BLMH: variants seen among roughly 807,000 people sequenced by gnomAD.
BLMH encodes the protein bleomycin hydrolase, also known as BLM hydrolase.
Under a neutral mutation model 61.6 loss-of-function variants are expected in BLMH, and 32 were observed. That is an observed-to-expected ratio of 0.52 (90% CI 0.39 to 0.70). The LOEUF is 0.70. Ranked by LOEUF, BLMH falls within the 30% of genes least tolerant of loss-of-function variation. The probability of loss-of-function intolerance (pLI) is 0.00; values close to 1 mark genes in which losing one functional copy is unlikely to be tolerated. For missense variants in BLMH, 460 were observed against 555.5 expected (o/e 0.83, Z 1.73); for synonymous variants, 183 against 193.8 (o/e 0.94, Z 0.46).
intron 1 of BLMH, 59 bp from the exon 2 acceptor site, chr17:30,291,567 G>A (rs903771437): frequency 2.5e-6 from 4 of 1,585,546 alleles, no homozygotes; most frequent in Non-Finnish European, 3.5e-6. Flanking sequence ...CTGATCTGGG[G>A]CTCCCGCGTC....
At chr17:30,256,674 T>C (rs753125942) in intron 11 of BLMH, among the ~76,000 whole-genome samples, 1 of 151,962 alleles carries the variant, frequency 6.6e-6, no homozygotes, top group Non-Finnish European at 1.5e-5. Context: ...CTTTTTCTTT[T>C]GGTTTTTAAC....
chr17:30,288,536 G>C (rs1236031130), intron 3 of BLMH, among the ~76,000 whole-genome samples: 2 of 152,090 alleles, frequency 1.3e-5, no homozygotes, highest in Non-Finnish European at 1.5e-5. Flanking sequence ...TTTTTGTAGA[G>C]ATGGGGTTTC....
At chr17:30,280,689 G>C (rs1477150503) in intron 6 of BLMH, among the ~76,000 whole-genome samples, 1 of 152,052 alleles carries the variant, frequency 6.6e-6, no homozygotes, top group Non-Finnish European at 1.5e-5. Context: ...TGTTGGCCAG[G>C]CTGGTCTCAA....
Position 30,272,781 on chromosome 17 carries a change from A to C in BLMH, c.920T>G (p.Phe307Cys). ...GGAGGCAGCAACCATCTTTTTCAGG[A>C]AGTCAATGGGCTGGTTGTTGTATAG... Reference protein sequence around the residue: ...KTLYNNQPIDFLKKMVAASIK... With the variant: ...KTLYNNQPIDCLKKMVAASIK... The change falls in exon 8 of 12, where the codon TTC (phenylalanine) becomes TGC (cysteine). Residue 307 changes from phenylalanine (F) to cysteine (C), a missense_variant. Transcript: ENST00000261714. The C allele has an allele frequency of 1.9e-6, 3 of 1,614,206 alleles. No homozygotes were observed. Among genetic ancestry groups the C allele is most frequent in the Non-Finnish European group, 2.5e-6 (3 of 1,180,040 alleles).
chr17:30,276,080 TA>T (rs1908416854), intron 6 of BLMH, among the ~76,000 whole-genome samples: 1 of 152,088 alleles, frequency 6.6e-6, no homozygotes, highest in Non-Finnish European at 1.5e-5. Flanking sequence ...GTAATTTACT[TA>T]AGGTCACACA....
chr17:30,258,914 G>A (rs1188257452), intron 11 of BLMH, among the ~76,000 whole-genome samples: 1 of 152,148 alleles, frequency 6.6e-6, no homozygotes, highest in Non-Finnish European at 1.5e-5. Context: ...CCTCTGACCT[G>A]TTCAACGCAT....
intron 10 of BLMH, among the ~76,000 whole-genome samples, 178 bp from the exon 11 acceptor site, chr17:30,267,132 G>A (rs1036538456): frequency 9.2e-5 from 14 of 152,090 alleles, no homozygotes; most frequent in African/African-American, 3.1e-4. Flanking sequence ...TATTTCCTAC[G>A]ATCACTAAAG....
At chr17:30,256,874 T>C (rs186628328) in intron 11 of BLMH, among the ~76,000 whole-genome samples, 1 of 152,354 alleles carries the variant, frequency 6.6e-6, no homozygotes, top group African/African-American at 2.4e-5. Flanking sequence ...TAGTGACAAT[T>C]TGTCAACCGC....
chr17:30,280,662 G>A (rs377537912), intron 6 of BLMH, among the ~76,000 whole-genome samples: 53 of 151,984 alleles, frequency 3.5e-4, no homozygotes, highest in Non-Finnish European at 7.1e-4. Context: ...TTTTCTTGTA[G>A]AGATGGGGTC....
At chr17:30,256,916 C>T (rs1362977191) in intron 11 of BLMH, among the ~76,000 whole-genome samples, 1 of 152,146 alleles carries the variant, frequency 6.6e-6, no homozygotes, top group African/African-American at 2.4e-5. Context: ...TGAAGCATGA[C>T]CTAATACCTC....
At chr17:30,271,900 T>C (rs1482359401) in intron 9 of BLMH, among the ~76,000 whole-genome samples, 1 of 152,234 alleles carries the variant, frequency 6.6e-6, no homozygotes, top group African/African-American at 2.4e-5. Flanking sequence ...GGTCCTTGCA[T>C]GTTCTAGTTA....
intron 6 of BLMH, among the ~76,000 whole-genome samples, chr17:30,279,031 G>A (rs543569300): frequency 6.6e-5 from 10 of 152,290 alleles, no homozygotes; most frequent in African/African-American, 2.4e-4. Context: ...TAAAGGGGGT[G>A]GACTTGGAAT....
In BLMH at chr17:30,285,612, T is replaced by C. The variant is rs1438712615; in HGVS notation, c.553-132A>G. The C allele has an allele frequency of 2.1e-5, 12 of 574,008 alleles. No individual in the cohort carries two copies. The South Asian group carries it at 2.4e-4, about 11-fold the overall frequency. 35.6% of individuals were successfully genotyped at this position (574,008 alleles called of 1,614,324 possible). ...CCATGACAGAGTTCATAAAGGCAAA[T>C]GTGTTTTTCTTCAACTTGTCCACTT... On this transcript the variant is annotated intron_variant, in intron 5 of 11. Coordinates refer to ENST00000261714, the MANE Select transcript of BLMH (RefSeq NM_000386.4).
chr17:30,280,460 C>T (rs1378654881), intron 6 of BLMH, among the ~76,000 whole-genome samples: 2 of 152,006 alleles, frequency 1.3e-5, no homozygotes, highest in Non-Finnish European at 2.9e-5. Context: ...CAAAACCCTA[C>T]AATCATTTAC....
At chr17:30,274,593 T>C (rs902895791) in intron 6 of BLMH, among the ~76,000 whole-genome samples, 5 of 152,296 alleles carry the variant, frequency 3.3e-5, no homozygotes, top group African/African-American at 1.2e-4. Context: ...CCTTTATACA[T>C]TGATGTTTTC....
chr17:30,274,056 T>C lies in BLMH; in HGVS notation c.787A>G (p.Asn263Asp). The change falls in exon 7 of 12, where the codon AAT (asparagine) becomes GAT (aspartate). Residue 263 changes from asparagine to aspartate, a missense_variant. Asn to Asp is a conservative substitution (Grantham distance 23, BLOSUM62 1). Around this residue, in one of 5 missense-constraint regions of BLMH, gnomAD observed 310 missense variants for 371.1 expected, o/e 0.84. Coordinates refer to ENST00000261714, the MANE Select transcript of BLMH (RefSeq NM_000386.4). ...CATTCACCAACCTTATCTTCCATAT[T>C]GAAGAGTGGCTTGACATGTTCCCTG... ...FYREHVKPLF[N>D]MEDKICLVND... 6.2e-7 allele frequency: 1 copy of C among 1,614,132 alleles called. No homozygotes were observed. Among genetic ancestry groups the C allele is most frequent in the South Asian group, 1.1e-5 (1 of 91,066 alleles).
intron 6 of BLMH, among the ~76,000 whole-genome samples, chr17:30,275,193 A>T (rs899007699): frequency 1.3e-5 from 2 of 151,002 alleles, no homozygotes; most frequent in Non-Finnish European, 3.0e-5. Context: ...CTCCAGCCTG[A>T]GTGACAGAGT....
At chr17:30,291,238 T>A in intron 2 of BLMH, 73 bp downstream of exon 2, 1 of 1,547,982 alleles carries the variant, frequency 6.5e-7, no homozygotes, top group Non-Finnish European at 8.8e-7. Flanking sequence ...TTAAGACCAC[T>A]CTTAAATAAG....
At chr17:30,274,328 A>T in intron 6 of BLMH, 131 bp from the exon 7 acceptor site, 1 of 1,032,810 alleles carries the variant, frequency 9.7e-7, no homozygotes, top group Non-Finnish European at 1.4e-6. Flanking sequence ...TTTCACAAGA[A>T]ATCTAATACT....
Sources: allele counts gnomAD v4.1 joint callset (sites outside exome capture counted in the v4.1 genomes callset), GRCh38; gene constraint gnomAD v4.1.1; regional missense constraint gnomAD v4.1.1; transcripts MANE v1.5; gene names NCBI Gene and HGNC (gene_info 2026-07-23, HGNC 2026-07-21).